SDHAF3: variants seen among roughly 807,000 people sequenced by gnomAD.
SDHAF3 encodes succinate dehydrogenase complex assembly factor 3, also known as succinate dehydrogenase assembly factor 3, mitochondrial.
A neutral mutation model predicts 11.5 loss-of-function variants in SDHAF3; 18 were observed. The observed-to-expected ratio is 1.56, with a 90% confidence interval of 1.08 to 2.32. The LOEUF (loss-of-function observed/expected upper bound fraction) is 2.32, where lower values mean the gene tolerates loss of function less well. Among genes scored for constraint, SDHAF3 ranks in the 30% most tolerant of loss-of-function variants. The pLI is 0.00. For synonymous variants in SDHAF3, 72 were observed against 59.3 expected (o/e 1.21, Z -0.99); for missense variants, 200 against 154.4 (o/e 1.30, Z -1.57).
intron 1 of SDHAF3, among the ~76,000 whole-genome samples, chr7:97,170,032 C>T (rs946886946): frequency 5.9e-5 from 9 of 151,388 alleles, no homozygotes; most frequent in Middle Eastern, 3.2e-3. Flanking sequence ...TTTCTTGCTA[C>T]TTTGCTAGAA....
chr7:97,137,156 C>T (rs1404001873), intron 1 of SDHAF3, among the ~76,000 whole-genome samples: 1 of 152,094 alleles, frequency 6.6e-6, no homozygotes, highest in Non-Finnish European at 1.5e-5. Flanking sequence ...TCTCTCACAT[C>T]CTCTGCATAG....
chr7:97,157,097 T>A (rs1173037882), intron 1 of SDHAF3, among the ~76,000 whole-genome samples: 1 of 152,184 alleles, frequency 6.6e-6, no homozygotes, highest in Non-Finnish European at 1.5e-5. Context: ...ATTCTGTTAT[T>A]TTTCCCCTTA....
At position 97,181,126 on chromosome 7, in the gene SDHAF3, C is replaced by G; in HGVS notation, c.289C>G (p.Gln97Glu). ...AAAACTTAATGACTTTCGTGATGAA[C>G]AAATTGGACAGTTGCAGGAGCTGAT... ...EEKLNDFRDEQIGQLQELMQE... is the reference protein window; with the variant it reads ...EEKLNDFRDEEIGQLQELMQE... Residue 97 changes from glutamine (Q) to glutamate (E), a missense_variant, in exon 2 of 2, where the codon CAA becomes GAA. Coordinates refer to ENST00000432641, the MANE Select transcript of SDHAF3 (RefSeq NM_020186.3). 6.2e-7 allele frequency: 1 copy of G among 1,613,930 alleles called. No homozygotes were observed. The highest frequency in any genetic ancestry group is 1.1e-5 in the South Asian group (1 of 91,072).
chr7:97,130,193 A>G (rs975025917), intron 1 of SDHAF3, among the ~76,000 whole-genome samples: 1 of 151,688 alleles, frequency 6.6e-6, no homozygotes, highest in East Asian at 2.0e-4. Context: ...AATTGCTTGA[A>G]TCCTGGAGAA....
In SDHAF3 at chr7:97,181,298, C is replaced by T. The variant is rs1230824711; in HGVS notation, c.*83C>T. 5.1e-6 allele frequency: 5 copies of T among 977,640 alleles called. No homozygotes were observed. The highest frequency in any genetic ancestry group is 7.5e-6 in the Non-Finnish European group (5 of 666,506). The allele number at this position is 977,640 out of a possible 1,614,324, so 60.6% of individuals were successfully genotyped here. On this transcript the variant is annotated 3_prime_UTR_variant, in exon 2 of 2. Coordinates refer to ENST00000432641, the MANE Select transcript of SDHAF3 (RefSeq NM_020186.3). ...CATTGGTTTTTGAAATATATTTAAG[C>T]TTTGAAAACACCTGTTATTAATGAA...
intron 1 of SDHAF3, among the ~76,000 whole-genome samples, chr7:97,138,642 T>A (rs1385991077): frequency 2.0e-5 from 3 of 152,242 alleles, no homozygotes; most frequent in Non-Finnish European, 2.9e-5. Flanking sequence ...TTCTAAGCCT[T>A]GGTTTCCTCA....
At chr7:97,124,660 C>T (rs1046091119) in intron 1 of SDHAF3, among the ~76,000 whole-genome samples, 1 of 152,154 alleles carries the variant, frequency 6.6e-6, no homozygotes, top group African/African-American at 2.4e-5. Flanking sequence ...TTTGTGTCCT[C>T]TCTTACTTCT....
At chr7:97,134,816 A>C (rs1159253418) in intron 1 of SDHAF3, among the ~76,000 whole-genome samples, 1 of 152,176 alleles carries the variant, frequency 6.6e-6, no homozygotes, top group East Asian at 1.9e-4. Context: ...GGTGCTCATA[A>C]CACCCCTGAC....
At chr7:97,132,205 G>A (rs768729497) in intron 1 of SDHAF3, among the ~76,000 whole-genome samples, 19 of 152,194 alleles carry the variant, frequency 1.2e-4, no homozygotes, top group African/African-American at 2.9e-4. Flanking sequence ...AGCTACTAGC[G>A]CCTTATATAT....
intron 1 of SDHAF3, among the ~76,000 whole-genome samples, chr7:97,149,322 T>TA (rs922082804): frequency 1.3e-5 from 2 of 152,174 alleles, no homozygotes; most frequent in African/African-American, 4.8e-5. Flanking sequence ...TTTTTAGAAA[T>TA]AAAAATTTCA....
chr7:97,133,521 C>T (rs1020438016), intron 1 of SDHAF3, among the ~76,000 whole-genome samples: 2 of 152,128 alleles, frequency 1.3e-5, no homozygotes, highest in African/African-American at 2.4e-5. Context: ...CCCTTTTTTC[C>T]TGAACAGTAC....
intron 1 of SDHAF3, among the ~76,000 whole-genome samples, chr7:97,180,257 C>T (rs766875792): frequency 1.1e-4 from 17 of 152,124 alleles, no homozygotes; most frequent in Non-Finnish European, 2.9e-5. Flanking sequence ...AATTTAGACT[C>T]ACTTGAAGAT....
Position 97,166,753 on chromosome 7 carries a change from G to GA in SDHAF3, c.175-14259_175-14258insA, listed in dbSNP as rs566100227. Among the ~76,000 whole-genome samples, 712 of 151,828 alleles carry GA rather than the reference G, an allele frequency of 4.7e-3. 5 individuals are homozygous for GA. Among genetic ancestry groups the GA allele is most frequent in the Non-Finnish European group, 7.6e-3 (519 of 67,920 alleles). On this transcript the variant is annotated intron_variant, in intron 1 of 1. Coordinates refer to ENST00000432641, the MANE Select transcript of SDHAF3 (RefSeq NM_020186.3). Reference sequence around the variant, plus strand: ...AAGGGGCCAGTTAGTTGGCGGGGGGGGCTTAGAATTTTATTTTAGGTTTAC... The same window carrying GA: ...AAGGGGCCAGTTAGTTGGCGGGGGGGAGCTTAGAATTTTATTTTAGGTTTAC...
intron 1 of SDHAF3, chr7:97,135,028 CT>C (rs2115646824): frequency 6.6e-6 from 1 of 151,504 alleles, no homozygotes; most frequent in South Asian, 2.1e-4. Context: ...TTAACCCTCT[CT>C]TTCTCCTGTC....
intron 1 of SDHAF3, among the ~76,000 whole-genome samples, chr7:97,179,002 T>A (rs1240695852): frequency 6.6e-6 from 1 of 152,168 alleles, no homozygotes; most frequent in Non-Finnish European, 1.5e-5. Flanking sequence ...TCACTTTGAG[T>A]TAATTTTTGT....
chr7:97,148,864 T>C (rs986864066), intron 1 of SDHAF3, among the ~76,000 whole-genome samples: 2 of 152,096 alleles, frequency 1.3e-5, no homozygotes, highest in Non-Finnish European at 2.9e-5. Context: ...TCTGTAGCTA[T>C]ACCTATTGTC....
At chr7:97,140,836 G>T (rs1166389582) in intron 1 of SDHAF3, among the ~76,000 whole-genome samples, 2 of 152,166 alleles carry the variant, frequency 1.3e-5, no homozygotes, top group African/African-American at 2.4e-5. Context: ...TGAAATCTGG[G>T]CACCTTGAAA....
intron 1 of SDHAF3, among the ~76,000 whole-genome samples, chr7:97,167,136 G>A (rs1266551858): frequency 2.0e-5 from 3 of 151,468 alleles, no homozygotes; most frequent in Admixed American, 6.6e-5. Context: ...TTGGATGTGT[G>A]TCCCCACCCA....
chr7:97,135,925 G>C (rs1357142168), intron 1 of SDHAF3, among the ~76,000 whole-genome samples: 1 of 151,704 alleles, frequency 6.6e-6, no homozygotes, highest in African/African-American at 2.4e-5. Flanking sequence ...CTGACCTCGT[G>C]ATCCGCCCGC....
Sources: allele counts gnomAD v4.1 joint callset (sites outside exome capture counted in the v4.1 genomes callset), GRCh38; gene constraint gnomAD v4.1.1; transcripts MANE v1.5; gene names NCBI Gene and HGNC (gene_info 2026-07-23, HGNC 2026-07-21).